The following ALK variants were observed in gnomAD, a reference collection of about 807,000 sequenced individuals.
The protein encoded by ALK is ALK tyrosine kinase receptor.
ALK carries 74 observed loss-of-function variants against 163.1 expected under a neutral mutation model. The observed-to-expected ratio is 0.45, with a 90% confidence interval of 0.38 to 0.55. The LOEUF (loss-of-function observed/expected upper bound fraction) is 0.55. Among genes scored for constraint, ALK ranks in the 20% least tolerant of loss-of-function variants. ALK has a pLI of 0.00. For missense variants in ALK, 2,063 were observed against 2,105.3 expected, an observed-to-expected ratio of 0.98 and a Z score of 0.39; for synonymous variants, 960 against 843.2, an observed-to-expected ratio of 1.14 and a Z score of -2.40.
chr2:29,310,816 T>C (rs1264769881), intron 8 of ALK, among the ~76,000 whole-genome samples: 1 of 152,114 alleles, frequency 6.6e-6, no homozygotes, highest in South Asian at 2.1e-4. Flanking sequence ...ACAGGGAAGA[T>C]TTTATCCACT....
At chr2:29,835,311 G>C (rs574650064) in intron 1 of ALK, among the ~76,000 whole-genome samples, 2 of 152,238 alleles carry the variant, frequency 1.3e-5, no homozygotes, top group South Asian at 4.1e-4. Context: ...ATAACATAAG[G>C]GGGGAAAGGT....
chr2:29,364,737 C>G (rs776561518), intron 5 of ALK, among the ~76,000 whole-genome samples: 9 of 152,200 alleles, frequency 5.9e-5, no homozygotes, highest in Non-Finnish European at 1.2e-4. Context: ...CGGAGCAATC[C>G]TTACATTTCA....
intron 1 of ALK, among the ~76,000 whole-genome samples, chr2:29,719,086 A>G (rs900558829): frequency 1.3e-5 from 2 of 152,120 alleles, no homozygotes; most frequent in African/African-American, 2.4e-5. Context: ...AGACCCCTCC[A>G]CTATTTTACC....
chr2:29,429,433 T>C (rs1478773550), intron 4 of ALK, among the ~76,000 whole-genome samples: 1 of 152,040 alleles, frequency 6.6e-6, no homozygotes, highest in Non-Finnish European at 1.5e-5. Flanking sequence ...ATTATATTTC[T>C]ATAAAGTGGC....
At chr2:29,588,258 G>A (rs4473346) in intron 3 of ALK, among the ~76,000 whole-genome samples, 52,293 of 151,926 alleles carry the variant, frequency 0.34, 10,585 homozygotes, top group East Asian at 0.55. Flanking sequence ...TTGAGATAGA[G>A]TCTCACTCTG....
At position 29,768,743 on chromosome 2, in the gene ALK, G is replaced by GTGTGTATATA. The variant is rs373708982; in HGVS notation, c.668-51047_668-51046insTATATACACA. Among the ~76,000 whole-genome samples the GTGTGTATATA allele has an allele frequency of 6.0e-4, 91 of 150,682 alleles. 1 individual carries two copies. Among genetic ancestry groups the GTGTGTATATA allele is most frequent in the African/African-American group, 1.9e-3 (79 of 40,934 alleles). ...TGTGTGTGTGTGTGTGTGTGTGTGTGTATATATGTATATGTGCCTATAAGC... is the reference window on the plus strand; with the variant it reads ...TGTGTGTGTGTGTGTGTGTGTGTGTGTGTGTATATATATATATGTATATGTGCCTATAAGC... On this transcript the variant is annotated intron_variant, in intron 1 of 28. Coordinates refer to ENST00000389048, the MANE Select transcript of ALK (RefSeq NM_004304.5).
chr2:29,651,103 G>A (rs1677024116), intron 3 of ALK, among the ~76,000 whole-genome samples: 1 of 152,170 alleles, frequency 6.6e-6, no homozygotes, highest in South Asian at 2.1e-4. Context: ...CCCCCTCTAT[G>A]ACAATGATGG....
At chr2:29,338,794 G>A (rs1667701784) in intron 5 of ALK, among the ~76,000 whole-genome samples, 1 of 152,222 alleles carries the variant, frequency 6.6e-6, no homozygotes, top group Admixed American at 6.5e-5. Context: ...CCGAGTTTCA[G>A]TAGAAGAATG....
chr2:29,526,927 G>A (rs1046789562), intron 4 of ALK, among the ~76,000 whole-genome samples: 1 of 152,238 alleles, frequency 6.6e-6, no homozygotes, highest in African/African-American at 2.4e-5. Flanking sequence ...AACAGCCAGG[G>A]TTCTGTGCAT....
chr2:29,701,045 A>G (rs1166112355), intron 2 of ALK, among the ~76,000 whole-genome samples: 2 of 152,210 alleles, frequency 1.3e-5, no homozygotes, highest in Non-Finnish European at 2.9e-5. Flanking sequence ...CGAGACACTC[A>G]AGGAGATTGC....
rs117059475 is a variant in ALK at position 29,918,636 on chromosome 2, G to C, written c.667+1357C>G. On this transcript the variant is annotated intron_variant, in intron 1 of 28. Transcript: ENST00000389048. ...TGTTTTTCTTGGGGGTCACATACTA[G>C]TATGTATTCTGTGCAATGACTAGGG... is the stretch of plus-strand genomic sequence containing the variant. Among the ~76,000 whole-genome samples, 7 of 152,296 alleles carry C rather than the reference G, an allele frequency of 4.6e-5. No homozygotes were observed. In the East Asian group the frequency reaches 1.4e-3, roughly 29 times the overall value.
chr2:29,856,441 C>T (rs1195632893), intron 1 of ALK, among the ~76,000 whole-genome samples: 7 of 152,196 alleles, frequency 4.6e-5, no homozygotes, highest in African/African-American at 1.7e-4. Context: ...AGGTATTTTA[C>T]AAACACGACC....
chr2:29,719,906 C>T (rs566151192), intron 1 of ALK, among the ~76,000 whole-genome samples: 3 of 152,264 alleles, frequency 2.0e-5, no homozygotes, highest in African/African-American at 7.2e-5. Context: ...TCTGGGAAGA[C>T]TCGGACAATC....
intron 4 of ALK, among the ~76,000 whole-genome samples, chr2:29,414,552 A>T (rs1449761931): frequency 1.3e-5 from 2 of 152,248 alleles, no homozygotes; most frequent in African/African-American, 4.8e-5. Context: ...GAAATAAGAA[A>T]GAAAATAAAA....
intron 2 of ALK, among the ~76,000 whole-genome samples, chr2:29,714,501 C>T (rs1679192488): frequency 6.6e-6 from 1 of 152,104 alleles, no homozygotes; most frequent in Non-Finnish European, 1.5e-5. Flanking sequence ...AAAGCCATTC[C>T]AATTCAGAAC....
intron 1 of ALK, among the ~76,000 whole-genome samples, chr2:29,721,307 C>G (rs1432278785): frequency 3.9e-5 from 6 of 152,152 alleles, no homozygotes; most frequent in Non-Finnish European, 7.3e-5. Flanking sequence ...TCCTTTGCCT[C>G]TTTCTTTACA....
At chr2:29,503,874 T>G (rs1672248714) in intron 4 of ALK, among the ~76,000 whole-genome samples, 1 of 151,968 alleles carries the variant, frequency 6.6e-6, no homozygotes, top group African/African-American at 2.4e-5. Context: ...TATAATGAGA[T>G]CCATAAAGTT....
intron 9 of ALK, among the ~76,000 whole-genome samples, chr2:29,289,612 A>G (rs1466307736): frequency 4.6e-5 from 7 of 151,652 alleles, no homozygotes; most frequent in African/African-American, 1.7e-4. Context: ...GCCTAAGTGT[A>G]TATATATATA....
intron 3 of ALK, among the ~76,000 whole-genome samples, chr2:29,644,567 G>GT (rs199673150): frequency 1.4e-4 from 10 of 72,674 alleles, no homozygotes; most frequent in East Asian, 4.4e-4. Flanking sequence ...TCAAATTAAG[G>GT]TTTTTTTTTC....
Sources: allele counts gnomAD v4.1 joint callset (sites outside exome capture counted in the v4.1 genomes callset), GRCh38; gene constraint gnomAD v4.1.1; transcripts MANE v1.5; gene names NCBI Gene and HGNC (gene_info 2026-07-23, HGNC 2026-07-21).